MEMO1: variants seen among roughly 807,000 people sequenced by gnomAD.
The protein encoded by MEMO1 is mediator of cell motility 1.
A neutral mutation model predicts 45.2 loss-of-function variants in MEMO1; 6 were observed. That is an observed-to-expected ratio of 0.13 (90% CI 0.07 to 0.26). The LOEUF is 0.26. Among genes scored for constraint, MEMO1 ranks in the 10% least tolerant of loss-of-function variants. MEMO1 has a pLI of 1.00. For synonymous variants in MEMO1, 78 were observed against 124.3 expected (o/e 0.63, Z 2.48); for missense variants, 184 against 370.5 (o/e 0.50, Z 4.13).
chr2:31,952,815 T>A (rs981930229), intron 2 of MEMO1, among the ~76,000 whole-genome samples: 2 of 152,208 alleles, frequency 1.3e-5, no homozygotes, highest in Non-Finnish European at 2.9e-5. Context: ...CCAAAATTAA[T>A]ATTTTCCAAA....
chr2:31,971,998 T>C (rs1432614844), intron 2 of MEMO1, among the ~76,000 whole-genome samples: 1 of 151,824 alleles, frequency 6.6e-6, no homozygotes, highest in African/African-American at 2.4e-5. Flanking sequence ...AGAAAAGAAA[T>C]ATAACTAAAA....
chr2:31,941,000 C>T (rs1357746277), intron 3 of MEMO1, among the ~76,000 whole-genome samples: 1 of 152,158 alleles, frequency 6.6e-6, no homozygotes, highest in Non-Finnish European at 1.5e-5. Flanking sequence ...AACTGGACTC[C>T]CTGTTCCCAC....
At chr2:31,906,702 G>A (rs1460201083) in intron 6 of MEMO1, among the ~76,000 whole-genome samples, 2 of 152,132 alleles carry the variant, frequency 1.3e-5, no homozygotes, top group Non-Finnish European at 2.9e-5. Flanking sequence ...ACCAGTCACA[G>A]AATAAAATAC....
In MEMO1 at chr2:31,869,955, A is replaced by T. The variant is rs750740769; in HGVS notation, c.658-3T>A. The T allele has an allele frequency of 3.8e-5, 8 of 212,168 alleles. No individual in the cohort carries two copies. In the South Asian group the frequency reaches 4.5e-4, roughly 12 times the overall value. 13.1% of individuals were successfully genotyped at this position (212,168 alleles called of 1,614,324 possible). Reference sequence around the variant, plus strand: ...AATTGTTCTATAATACTCATACCCTAAAAAAAAAAAAAAAGAAGAGGAAGA... The same window carrying T: ...AATTGTTCTATAATACTCATACCCTTAAAAAAAAAAAAAAGAAGAGGAAGA... On this transcript the variant is annotated splice_polypyrimidine_tract_variant and splice_region_variant and intron_variant, in intron 8 of 9. Transcript: ENST00000404530.
At chr2:32,006,340 T>C (rs1572964261) in intron 2 of MEMO1, among the ~76,000 whole-genome samples, 1 of 152,174 alleles carries the variant, frequency 6.6e-6, no homozygotes, top group African/African-American at 2.4e-5. Context: ...CCTAAAATAA[T>C]GGGATGAAAG....
intron 3 of MEMO1, 90 bp from the exon 4 acceptor site, chr2:31,932,225 T>C: frequency 1.9e-6 from 2 of 1,033,034 alleles, no homozygotes; most frequent in African/African-American, 1.6e-5. Context: ...ACAGTACCTA[T>C]GGTAAACACA....
intron 8 of MEMO1, among the ~76,000 whole-genome samples, chr2:31,873,707 A>G (rs1674130614): frequency 6.6e-6 from 1 of 152,158 alleles, no homozygotes; most frequent in African/African-American, 2.4e-5. Context: ...AATTAACACC[A>G]TATTATCAAA....
rs912148257 is a variant in MEMO1, at chr2:31,868,177, A to G, written c.*184T>C. 2 of 451,174 alleles carry G rather than the reference A, an allele frequency of 4.4e-6. No homozygotes were observed. The highest frequency in any genetic ancestry group is 2.0e-5 in the African/African-American group (1 of 49,174). 27.9% of individuals were successfully genotyped at this position (451,174 alleles called of 1,614,324 possible). Reference sequence around the variant, plus strand: ...TTCCTTCCACTGCCCTAAACTATAAAGCATTTTTTAATGAGTTGAAATTAA... The same window carrying G: ...TTCCTTCCACTGCCCTAAACTATAAGGCATTTTTTAATGAGTTGAAATTAA... On this transcript the variant is annotated 3_prime_UTR_variant, in exon 10 of 10. Transcript: ENST00000404530.
chr2:31,893,433 A>G, intron 6 of MEMO1: 3 of 913,584 alleles, frequency 3.3e-6, no homozygotes, highest in African/African-American at 1.8e-5. Flanking sequence ...GGGCTCTTCA[A>G]TTAGTTAAGA....
intron 8 of MEMO1, among the ~76,000 whole-genome samples, chr2:31,870,318 G>A (rs578226593): frequency 8.5e-5 from 13 of 152,216 alleles, no homozygotes; most frequent in African/African-American, 2.9e-4. Context: ...GAAAATTTGT[G>A]TATGAAACCT....
rs1673127126 is a variant in MEMO1 at position 31,868,133 on chromosome 2, A to G, written c.*228T>C. 2 of 384,886 alleles carry G rather than the reference A, an allele frequency of 5.2e-6. No individual in the cohort carries two copies. The highest frequency in any genetic ancestry group is 1.0e-4 in the East Asian group (2 of 19,440). The allele number at this position is 384,886 out of a possible 1,614,324, so 23.8% of individuals were successfully genotyped here. ...TTTACATTGTCATCTTTTTTGATCA[A>G]AATATTTTGATGCCAGCCTTCCTTC... On this transcript the variant is annotated 3_prime_UTR_variant, in exon 10 of 10. Transcript: ENST00000404530.
intron 2 of MEMO1, among the ~76,000 whole-genome samples, chr2:31,948,293 T>C (rs1666416632): frequency 6.6e-6 from 1 of 152,242 alleles, no homozygotes; most frequent in Admixed American, 6.5e-5. Context: ...GCTGAAACTA[T>C]TCTACATATG....
chr2:31,902,344 G>A (rs1181873869), intron 6 of MEMO1, among the ~76,000 whole-genome samples: 1 of 151,864 alleles, frequency 6.6e-6, no homozygotes, highest in East Asian at 1.9e-4. Flanking sequence ...GTTGCGCTGA[G>A]CCGAGATCAT....
At chr2:31,884,814 A>C (rs1343771602) in intron 7 of MEMO1, among the ~76,000 whole-genome samples, 1 of 152,190 alleles carries the variant, frequency 6.6e-6, no homozygotes, top group East Asian at 1.9e-4. Flanking sequence ...GCATCTTATA[A>C]CTTAACTGAT....
chr2:31,883,246 T>C (rs1186356351), intron 8 of MEMO1, 140 bp downstream of exon 8: 1 of 653,532 alleles, frequency 1.5e-6, no homozygotes, highest in African/African-American at 1.9e-5. Flanking sequence ...TAGTCAGTAT[T>C]TATATGATGA....
chr2:32,004,747 T>C (rs1255629528), intron 2 of MEMO1, among the ~76,000 whole-genome samples: 3 of 152,018 alleles, frequency 2.0e-5, no homozygotes, highest in Non-Finnish European at 4.4e-5. Context: ...GACAACATGG[T>C]GAAACCCCAT....
intron 6 of MEMO1, among the ~76,000 whole-genome samples, chr2:31,900,382 G>T (rs907220849): frequency 5.9e-5 from 9 of 152,170 alleles, no homozygotes; most frequent in African/African-American, 2.2e-4. Flanking sequence ...CCTTTGCAGG[G>T]ACATGGATGA....
intron 6 of MEMO1, among the ~76,000 whole-genome samples, chr2:31,913,248 CAAAAAAAAAAA>C (rs3065389): frequency 2.3e-4 from 10 of 44,408 alleles, no homozygotes; most frequent in Admixed American, 1.9e-3. Flanking sequence ...GACTCCGTCT[CAAAAAAAAAAA>C]AAAAAAAAAA....
At chr2:31,882,557 A>G (rs1675568443) in intron 8 of MEMO1, among the ~76,000 whole-genome samples, 1 of 152,204 alleles carries the variant, frequency 6.6e-6, no homozygotes, top group African/African-American at 2.4e-5. Context: ...TGCCTCTGTC[A>G]GGTCAAACTG....
Sources: gnomAD v4.1 joint callset for allele counts (sites outside exome capture counted in the v4.1 genomes callset) on GRCh38, gnomAD v4.1.1 for gene constraint, MANE v1.5 for transcripts, NCBI Gene and HGNC (gene_info 2026-07-23, HGNC 2026-07-21) for gene names.